NFIX: variants seen among roughly 807,000 people sequenced by gnomAD.
NFIX encodes nuclear factor 1 X-type.
In NFIX, 2 loss-of-function variants were observed where a neutral mutation model predicts 53.3. That is an observed-to-expected ratio of 0.04 (90% confidence interval 0.02 to 0.12). The LOEUF is 0.12. NFIX is among the 10% of genes least tolerant of loss of function. NFIX has a pLI of 1.00. For synonymous variants in NFIX, 244 were observed against 289.0 expected (o/e 0.84, Z 1.58); for missense variants, 310 against 674.5 (o/e 0.46, Z 5.99).
rs2016874322 is a variant in NFIX, at chr19:13,073,249, G to A, written c.622+140G>A. On this transcript the variant is annotated intron_variant, in intron 3 of 10. Transcript: ENST00000592199. The surrounding 1 kb of genome is among the most constrained non-coding windows in gnomAD (Gnocchi z 4.5). ...GACTGAGCTTAGCTTGCTGTCCTGA[G>A]GGGATGGGGGCACACCTAGAGGATC... The A allele has an allele frequency of 1.0e-6, 1 of 987,278 alleles. No homozygotes were observed. The highest frequency in any genetic ancestry group is 1.6e-6 in the Non-Finnish European group (1 of 614,752). The allele number at this position is 987,278 out of a possible 1,614,324, so 61.2% of individuals were successfully genotyped here.
Position 12,998,730 on chromosome 19 carries a change from G to A in NFIX, c.27+2866G>A, listed in dbSNP as rs1410867212. 1.3e-5 allele frequency among the ~76,000 whole-genome samples: 2 copies of A among 152,128 alleles called. No individual in the cohort carries two copies. Among genetic ancestry groups the A allele is most frequent in the African/African-American group, 2.4e-5 (1 of 41,404 alleles). The stretch of plus-strand genomic sequence containing the variant: ...ACCGATGTCCAGACCCACGACCATC[G>A]ACGAGCCTACAGACCTACGGACACA... On this transcript the variant is annotated intron_variant, in intron 1 of 10. Coordinates refer to ENST00000592199, the MANE Select transcript of NFIX (RefSeq NM_001365902.3). This position sits in a 1 kb window ranked among gnomAD's most constrained non-coding sequence, Gnocchi z 4.4.
At chr19:13,031,865 T>A (rs914054635) in intron 2 of NFIX, among the ~76,000 whole-genome samples, 2 of 152,178 alleles carry the variant, frequency 1.3e-5, no homozygotes, top group African/African-American at 2.4e-5. Context: ...CCTGGCTTCC[T>A]GTAGCAGCTG....
At chr19:13,023,937 T>TCCTCCCC in intron 1 of NFIX, 1 of 247,762 alleles carries the variant, frequency 4.0e-6, no homozygotes, top group Non-Finnish European at 7.5e-6. Context: ...CTGCTCCTCC[T>TCCTCCCC]CCTCCCCCCT....
Position 13,075,625 on chromosome 19 carries a change from A to G in NFIX, c.909A>G (p.Ala303=). The change falls in exon 6 of 11, where the codon GCA becomes GCG. Residue 303 remains alanine (A), a synonymous_variant. Coordinates refer to ENST00000592199, the MANE Select transcript of NFIX (RefSeq NM_001365902.3). ...ATCCCGGGACAGGCCGTTCCCCAGC[A>G]GCTGGCAGCAGCCAGTCCAGCGGGT... ...VFYPGTGRSP[A]AGSSQSSGWP... is the part of the protein sequence containing the mutation. 1 of 1,613,574 alleles carries G rather than the reference A, an allele frequency of 6.2e-7. No homozygotes were observed. Among genetic ancestry groups the G allele is most frequent in the Non-Finnish European group, 8.5e-7 (1 of 1,179,764 alleles).
chr19:13,003,543 A>G (rs892773241), intron 1 of NFIX, among the ~76,000 whole-genome samples: 6 of 152,158 alleles, frequency 3.9e-5, no homozygotes, highest in African/African-American at 1.4e-4. Context: ...ATGCACATGC[A>G]TGCAATAACA....
chr19:13,084,937 G>C (rs1051912871), intron 8 of NFIX, among the ~76,000 whole-genome samples: 1 of 152,018 alleles, frequency 6.6e-6, no homozygotes, highest in African/African-American at 2.4e-5. Context: ...GGGCATGATG[G>C]TGGGTGCCTG....
chr19:13,088,197 T>A lies in NFIX; in HGVS notation c.1402+61T>A. 1 of 1,518,866 alleles carries A rather than the reference T, an allele frequency of 6.6e-7. No homozygotes were observed. The highest frequency in any genetic ancestry group is 8.8e-7 in the Non-Finnish European group (1 of 1,135,338). The allele number at this position is 1,518,866 out of a possible 1,614,324, so 94.1% of individuals were successfully genotyped here. On this transcript the variant is annotated intron_variant, in intron 9 of 10. Transcript: ENST00000592199. The surrounding 1 kb of genome is among the most constrained non-coding windows in gnomAD (Gnocchi z 5.9). ...GCGTCCCCGGCCCGTCCAAACAGTC[T>A]CCACTGCAAAAAGAAAAGCCTTCCC...
intron 1 of NFIX, among the ~76,000 whole-genome samples, chr19:13,018,429 G>A (rs930331743): frequency 1.3e-5 from 2 of 150,890 alleles, no homozygotes; most frequent in Non-Finnish European, 2.9e-5. Context: ...GGTGTGGGGC[G>A]AATCCATTCA....
In NFIX at chr19:13,090,165, T is replaced by G. The variant is rs2018045910; in HGVS notation, c.1403-134T>G. ...GCTCAGATGCCCCTCTGGCCCATCC[T>G]TCCCACTGCCAGCCTAAACTCGGGC... On this transcript the variant is annotated intron_variant, in intron 9 of 10. Transcript: ENST00000592199. The surrounding 1 kb of genome is among the most constrained non-coding windows in gnomAD (Gnocchi z 6.6). 25 of 827,812 alleles carry G rather than the reference T, an allele frequency of 3.0e-5. 1 individual carries two copies. The South Asian group carries it at 3.8e-4, about 13-fold the overall frequency. The allele number at this position is 827,812 out of a possible 1,614,324, so 51.3% of individuals were successfully genotyped here. A position where few individuals can be genotyped will look rare whatever the true frequency, so the allele number is the denominator to read the frequency against.
chr19:13,001,762 T>A lies in NFIX; in HGVS notation c.27+5898T>A, dbSNP rs1285276895. ...GGTCTCACCCCACGGGCGCCTCTCC[T>A]GGGCATTCCCTTGGCCTCCGAGCAC... On this transcript the variant is annotated intron_variant, in intron 1 of 10. Transcript: ENST00000592199. This position sits in a 1 kb window ranked among gnomAD's most constrained non-coding sequence, Gnocchi z 6.5. 1.3e-5 allele frequency among the ~76,000 whole-genome samples: 2 copies of A among 152,200 alleles called. No homozygotes were observed. Among genetic ancestry groups the A allele is most frequent in the Non-Finnish European group, 2.9e-5 (2 of 68,028 alleles).
rs199590032 is a variant in NFIX, at chr19:13,073,994, G to A, written c.786G>A (p.Gly262=). ...ACAACATCAACCAGGTGACCCTGGG[G>A]CGGCGGTCCATCACCTCCCCTCCTT... is the stretch of plus-strand genomic sequence containing the variant. ...SYYNINQVTL[G]RRSITSPPST... The change falls in exon 5 of 11, where the codon GGG becomes GGA. Residue 262 remains glycine, a synonymous_variant. Coordinates refer to ENST00000592199, the MANE Select transcript of NFIX (RefSeq NM_001365902.3). The surrounding 1 kb of genome is among the most constrained non-coding windows in gnomAD (Gnocchi z 4.5). 2.4e-5 allele frequency: 38 copies of A among 1,613,996 alleles called. No individual in the cohort carries two copies. The African/African-American group carries it at 3.1e-4, about 13-fold the overall frequency.
At chr19:13,042,761 G>A (rs1198885347) in intron 2 of NFIX, among the ~76,000 whole-genome samples, 6 of 143,666 alleles carry the variant, frequency 4.2e-5, no homozygotes, top group South Asian at 2.2e-4. Flanking sequence ...GTTGTGTTGC[G>A]TTCATCCCCA....
At chr19:13,057,201 C>T (rs2015752208) in intron 2 of NFIX, among the ~76,000 whole-genome samples, 2 of 152,192 alleles carry the variant, frequency 1.3e-5, no homozygotes, top group East Asian at 1.9e-4. Context: ...AGTAGCGGGT[C>T]AGTGGGACCT....
chr19:13,075,785 C>T (rs2017064546), intron 6 of NFIX, 114 bp downstream of exon 6: 2 of 1,269,370 alleles, frequency 1.6e-6, no homozygotes, highest in Non-Finnish European at 2.1e-6. Flanking sequence ...GGGGGCATTA[C>T]CCATCTGTTT....
At chr19:13,023,533 T>C (rs1216209308) in intron 1 of NFIX, among the ~76,000 whole-genome samples, 1 of 152,074 alleles carries the variant, frequency 6.6e-6, no homozygotes, top group African/African-American at 2.4e-5. Context: ...GGGTTTTGTT[T>C]TTGTTTTTGT....
chr19:13,057,873 CCT>C (rs2015813259), intron 2 of NFIX, among the ~76,000 whole-genome samples: 2 of 152,276 alleles, frequency 1.3e-5, no homozygotes, highest in East Asian at 1.9e-4. Flanking sequence ...GAAGCCTGGG[CCT>C]CTCTGCCCCA....
At chr19:12,999,578 C>T (rs1568250039) in intron 1 of NFIX, among the ~76,000 whole-genome samples, 1 of 152,208 alleles carries the variant, frequency 6.6e-6, no homozygotes, top group Non-Finnish European at 1.5e-5. Flanking sequence ...AACATGCCGA[C>T]ATTTGCTGAC....
rs1249356201 is a variant in NFIX at position 13,037,436 on chromosome 19, G to A, written c.559+11884G>A. ...AGAGCCTCGTGGAAGTAATGGCGCT[G>A]AGAGATGGCGCCTGGGGAAGAAAGA... On this transcript the variant is annotated intron_variant, in intron 2 of 10. Transcript: ENST00000592199. This position sits in a 1 kb window ranked among gnomAD's most constrained non-coding sequence, Gnocchi z 4.2. Among the ~76,000 whole-genome samples the A allele has an allele frequency of 6.6e-6, 1 of 152,218 alleles. No individual in the cohort carries two copies. Among genetic ancestry groups the A allele is most frequent in the Non-Finnish European group, 1.5e-5 (1 of 68,038 alleles).
rs2016039261 is a variant in NFIX, at chr19:13,060,981, C to A, written c.560-12066C>A. On this transcript the variant is annotated intron_variant, in intron 2 of 10. Transcript: ENST00000592199. This position sits in a 1 kb window ranked among gnomAD's most constrained non-coding sequence, Gnocchi z 4.3. ...TTTATGGGGATGGGGTAGAGATCTT[C>A]CTTTTCAAGTGTTTACCAATTGCAG... 6.6e-6 allele frequency among the ~76,000 whole-genome samples: 1 copy of A among 152,074 alleles called. No individual in the cohort carries two copies. Among genetic ancestry groups the A allele is most frequent in the Admixed American group, 6.5e-5 (1 of 15,274 alleles).
Sources: gnomAD v4.1 joint callset for allele counts (sites outside exome capture counted in the v4.1 genomes callset) on GRCh38, gnomAD v4.1.1 for gene constraint, Gnocchi (gnomAD v3.1) non-coding constraint, MANE v1.5 for transcripts, NCBI Gene and HGNC (gene_info 2026-07-23, HGNC 2026-07-21) for gene names.